Variants in PTTG1IP2 observed in about 807,000 individuals in gnomAD.
PTTG1IP2 encodes PTTG1IP family member 2.
rs17875057 is a variant in PTTG1IP2, at chr7:90,470,974, A to G, written c.145+1043A>G. ...ATGCTGATGAAGAACAAAAAAAAAAAAAAAAAGAAAAAAGAAAGAAAACAA... is the reference window on the plus strand; with the variant it reads ...ATGCTGATGAAGAACAAAAAAAAAAGAAAAAAGAAAAAAGAAAGAAAACAA... On this transcript the variant is annotated intron_variant, in intron 1 of 6. Coordinates refer to ENST00000509356, the MANE Select transcript of PTTG1IP2 (RefSeq NM_001365443.2). Among the ~76,000 whole-genome samples the G allele has an allele frequency of 5.1e-3, 769 of 151,900 alleles. 11 individuals are homozygous for G. Among genetic ancestry groups the G allele is most frequent in the African/African-American group, 0.017 (703 of 41,512 alleles).
intron 6 of PTTG1IP2, among the ~76,000 whole-genome samples, chr7:90,499,087 A>G (rs139188238): frequency 0.012 from 1,860 of 152,260 alleles, 16 homozygotes; most frequent in Non-Finnish European, 0.018. Context: ...CCTGGGCTCA[A>G]GCAATCCACC....
chr7:90,487,806 T>C (rs1246942852), intron 3 of PTTG1IP2, among the ~76,000 whole-genome samples: 3 of 152,204 alleles, frequency 2.0e-5, no homozygotes, highest in Non-Finnish European at 2.9e-5. Flanking sequence ...TAGTGTATGA[T>C]ATCCATAACC....
chr7:90,480,585 A>C (rs1797804818), intron 2 of PTTG1IP2, among the ~76,000 whole-genome samples: 1 of 152,142 alleles, frequency 6.6e-6, no homozygotes, highest in Non-Finnish European at 1.5e-5. Flanking sequence ...ATTTAAGCAT[A>C]TATTTCTAAT....
chr7:90,497,969 A>G (rs982040016), intron 6 of PTTG1IP2, among the ~76,000 whole-genome samples: 1 of 151,500 alleles, frequency 6.6e-6, no homozygotes, highest in African/African-American at 2.4e-5. Flanking sequence ...ATTAATATTC[A>G]TATATTTTGT....
At chr7:90,493,430 G>A (rs1441865811) in intron 5 of PTTG1IP2, among the ~76,000 whole-genome samples, 2 of 152,294 alleles carry the variant, frequency 1.3e-5, no homozygotes, top group East Asian at 3.9e-4. Flanking sequence ...TGCTTCTTCC[G>A]AAGGTTGAAA....
chr7:90,489,240 A>G (rs186916867), intron 4 of PTTG1IP2, among the ~76,000 whole-genome samples: 1 of 151,486 alleles, frequency 6.6e-6, no homozygotes, highest in Non-Finnish European at 1.5e-5. Flanking sequence ...TTACCTCCAT[A>G]TATTTGATTT....
At chr7:90,478,000 A>C (rs12704541) in intron 1 of PTTG1IP2, among the ~76,000 whole-genome samples, 3 of 150,016 alleles carry the variant, frequency 2.0e-5, no homozygotes, top group Non-Finnish European at 4.4e-5. Context: ...GGGAGGCTGA[A>C]GCAGGAGAAT....
At chr7:90,510,958 T>A (rs1798183231) in intron 6 of PTTG1IP2, among the ~76,000 whole-genome samples, 1 of 152,244 alleles carries the variant, frequency 6.6e-6, no homozygotes, top group African/African-American at 2.4e-5. Flanking sequence ...ATACCGTAAT[T>A]TTGTTTTGCA....
chr7:90,505,864 G>A (rs1231188440), intron 6 of PTTG1IP2, among the ~76,000 whole-genome samples: 1 of 151,724 alleles, frequency 6.6e-6, no homozygotes, highest in Non-Finnish European at 1.5e-5. Flanking sequence ...GGCGCCTGTA[G>A]TCCCAGCTAC....
intron 6 of PTTG1IP2, among the ~76,000 whole-genome samples, chr7:90,497,212 G>T (rs936853718): frequency 1.3e-5 from 2 of 152,098 alleles, no homozygotes; most frequent in Non-Finnish European, 2.9e-5. Context: ...CAGGAAGATT[G>T]CTTAAGGCCA....
At chr7:90,485,820 T>C (rs757017011) in intron 2 of PTTG1IP2, among the ~76,000 whole-genome samples, 2 of 152,184 alleles carry the variant, frequency 1.3e-5, no homozygotes, top group Non-Finnish European at 2.9e-5. Flanking sequence ...TTCAGGTTTT[T>C]TTCTGGCAAT....
intron 1 of PTTG1IP2, among the ~76,000 whole-genome samples, chr7:90,476,768 A>G (rs1797752967): frequency 6.6e-6 from 1 of 152,208 alleles, no homozygotes; most frequent in South Asian, 2.1e-4. Flanking sequence ...ACATAGTTTT[A>G]AAATAGATGT....
At chr7:90,487,201 C>G (rs1015676629) in intron 2 of PTTG1IP2, 126 bp from the exon 3 acceptor site, 16 of 152,512 alleles carry the variant, frequency 1.0e-4, no homozygotes, top group African/African-American at 3.9e-4. Context: ...CCAAAGGCAT[C>G]TACTACAAAT....
chr7:90,489,448 T>C (rs1797914421), intron 4 of PTTG1IP2, among the ~76,000 whole-genome samples: 1 of 151,884 alleles, frequency 6.6e-6, no homozygotes. Flanking sequence ...ATATTTCTCC[T>C]GTTGACTTTG....
chr7:90,500,551 C>T (rs1461334544), intron 6 of PTTG1IP2, among the ~76,000 whole-genome samples: 1 of 152,118 alleles, frequency 6.6e-6, no homozygotes, highest in Non-Finnish European at 1.5e-5. Flanking sequence ...TGGGGAATTC[C>T]CTCAGGAGTA....
At chr7:90,487,016 A>G (rs945220988) in intron 2 of PTTG1IP2, among the ~76,000 whole-genome samples, 4 of 152,156 alleles carry the variant, frequency 2.6e-5, no homozygotes, top group Admixed American at 1.3e-4. Context: ...AAGGATGCCC[A>G]CTGTTTGGAA....
intron 6 of PTTG1IP2, among the ~76,000 whole-genome samples, chr7:90,497,391 C>T (rs535106630): frequency 1.1e-3 from 168 of 151,932 alleles, no homozygotes; most frequent in African/African-American, 4.0e-3. Flanking sequence ...GGTGAAACCC[C>T]GTCTCTACTA....
intron 3 of PTTG1IP2, among the ~76,000 whole-genome samples, chr7:90,487,802 A>AT (rs1453174744): frequency 6.6e-6 from 1 of 152,186 alleles, no homozygotes; most frequent in African/African-American, 2.4e-5. Flanking sequence ...TCTCTAGTGT[A>AT]TGATATCCAT....
At chr7:90,506,600 TA>T (rs869275487) in intron 6 of PTTG1IP2, among the ~76,000 whole-genome samples, 1 of 151,974 alleles carries the variant, frequency 6.6e-6, no homozygotes, top group African/African-American at 2.4e-5. Flanking sequence ...CTGTCTCTAC[TA>T]AAAAAAATTT....
Sources: allele counts gnomAD v4.1 joint callset (sites outside exome capture counted in the v4.1 genomes callset), GRCh38; gene constraint gnomAD v4.1.1; transcripts MANE v1.5; gene names NCBI Gene and HGNC (gene_info 2026-07-23, HGNC 2026-07-21).